Variants in KCNQ1 observed in about 807,000 individuals in gnomAD.
The protein encoded by KCNQ1 is potassium voltage-gated channel subfamily KQT member 1.
KCNQ1 carries 49 observed loss-of-function variants against 72.4 expected under a neutral mutation model. The observed-to-expected ratio is 0.68, with a 90% confidence interval of 0.54 to 0.86. The LOEUF (loss-of-function observed/expected upper bound fraction) is 0.86. KCNQ1 is among the 40% of genes least tolerant of loss of function. KCNQ1 has a pLI of 0.00. For synonymous variants in KCNQ1, 450 were observed against 412.6 expected, an observed-to-expected ratio of 1.09 and a Z score of -1.10; for missense variants, 790 against 945.1, an observed-to-expected ratio of 0.84 and a Z score of 2.15.
rs1846832882 is a variant in KCNQ1 at position 2,782,064 on chromosome 11, C to T, written c.1794+4027C>T. Among the ~76,000 whole-genome samples, 1 of 152,186 alleles carries T rather than the reference C, an allele frequency of 6.6e-6. No homozygotes were observed. Among genetic ancestry groups the T allele is most frequent in the Non-Finnish European group, 1.5e-5 (1 of 68,044 alleles). ...GGGTGTTTGCCCCCAGACACTGCTA[C>T]CCTTTCCCTCATTCCAGTGTGACTC... On this transcript the variant is annotated intron_variant, in intron 15 of 15. Transcript: ENST00000155840. This position sits in a 1 kb window ranked among gnomAD's most constrained non-coding sequence, Gnocchi z 6.1.
rs1001911143 is a variant in KCNQ1, at chr11:2,768,453, C to G, written c.1515-391C>G. 6.6e-6 allele frequency among the ~76,000 whole-genome samples: 1 copy of G among 152,138 alleles called. No individual in the cohort carries two copies. Among genetic ancestry groups the G allele is most frequent in the Non-Finnish European group, 1.5e-5 (1 of 68,032 alleles). On this transcript the variant is annotated intron_variant, in intron 11 of 15. Coordinates refer to ENST00000155840, the MANE Select transcript of KCNQ1 (RefSeq NM_000218.3). This position sits in a 1 kb window ranked among gnomAD's most constrained non-coding sequence, Gnocchi z 6.7. ...TGAAAGGGGCTGTGGGCATCGCCAG[C>G]ATGTACCCTCTTATCCCATTTGCTG...
chr11:2,543,060 C>T lies in KCNQ1; in HGVS notation c.477+15042C>T, dbSNP rs1055847737. Among the ~76,000 whole-genome samples, 1 of 152,064 alleles carries T rather than the reference C, an allele frequency of 6.6e-6. No individual in the cohort carries two copies. The highest frequency in any genetic ancestry group is 1.5e-5 in the Non-Finnish European group (1 of 68,040). ...CCTGCTGTGGTTTTAACTTTCATTT[C>T]CTAAGGACCAGTGATGTTGAATATC... On this transcript the variant is annotated intron_variant, in intron 2 of 15. Coordinates refer to ENST00000155840, the MANE Select transcript of KCNQ1 (RefSeq NM_000218.3). This position sits in a 1 kb window ranked among gnomAD's most constrained non-coding sequence, Gnocchi z 5.6.
rs966486821 is a variant in KCNQ1 at position 2,491,815 on chromosome 11, C to G, written c.387-36113C>G. ...AAAGGTCAAGGATAAAGAAAGGATCCTAAAAGCAGCAAGAAAAAAAAGACT... is the reference window on the plus strand; with the variant it reads ...AAAGGTCAAGGATAAAGAAAGGATCGTAAAAGCAGCAAGAAAAAAAAGACT... On this transcript the variant is annotated intron_variant, in intron 1 of 15. Coordinates refer to ENST00000155840, the MANE Select transcript of KCNQ1 (RefSeq NM_000218.3). The surrounding 1 kb of genome is among the most constrained non-coding windows in gnomAD (Gnocchi z 4.1). 9.9e-5 allele frequency among the ~76,000 whole-genome samples: 15 copies of G among 151,752 alleles called. No individual in the cohort carries two copies. Among genetic ancestry groups the G allele is most frequent in the Non-Finnish European group, 1.9e-4 (13 of 67,974 alleles).
chr11:2,606,504 T>G (rs1848882447), intron 10 of KCNQ1, among the ~76,000 whole-genome samples: 2 of 152,352 alleles, frequency 1.3e-5, no homozygotes, highest in South Asian at 4.1e-4. Context: ...CCCTCCACCT[T>G]GCTCCTGCTC....
Position 2,455,309 on chromosome 11 carries a change from A to G in KCNQ1, c.386+9825A>G, listed in dbSNP as rs372067167. On this transcript the variant is annotated intron_variant, in intron 1 of 15. Coordinates refer to ENST00000155840, the MANE Select transcript of KCNQ1 (RefSeq NM_000218.3). ...GAGACGGGGTTTCACCGTGTTAGCCAGGATGGTCTTGATCTCCTGACCTTG... is the reference window on the plus strand; with the variant it reads ...GAGACGGGGTTTCACCGTGTTAGCCGGGATGGTCTTGATCTCCTGACCTTG... 7.4e-4 allele frequency among the ~76,000 whole-genome samples: 112 copies of G among 151,688 alleles called. 1 individual carries two copies. In the East Asian group the frequency reaches 7.9e-3, roughly 11 times the overall value.
intron 1 of KCNQ1, among the ~76,000 whole-genome samples, chr11:2,454,619 T>C (rs567337132): frequency 3.5e-4 from 53 of 152,314 alleles, no homozygotes; most frequent in African/African-American, 1.3e-3. Context: ...TCACCAAGAA[T>C]GGAGGTTTTA....
chr11:2,605,237 G>C (rs1485885253), intron 10 of KCNQ1, among the ~76,000 whole-genome samples: 2 of 152,106 alleles, frequency 1.3e-5, no homozygotes, highest in South Asian at 2.1e-4. Flanking sequence ...CCATCTGTAG[G>C]TTGTCTTTTC....
Position 2,616,851 on chromosome 11 carries a change from T to TGC in KCNQ1, c.1393+27998_1393+27999insCG. 4 of 397,934 alleles carry TGC rather than the reference T, an allele frequency of 1.0e-5. No homozygotes were observed. In the Admixed American group the frequency reaches 1.8e-4, roughly 18 times the overall value. The allele number at this position is 397,934 out of a possible 1,614,324, so 24.7% of individuals were successfully genotyped here. A position where few individuals can be genotyped will look rare whatever the true frequency, so the allele number is the denominator to read the frequency against. On this transcript the variant is annotated intron_variant, in intron 10 of 15. Coordinates refer to ENST00000155840, the MANE Select transcript of KCNQ1 (RefSeq NM_000218.3). ...GTTCCATGTGCACTTGAGAAGAATG[T>TGC]GTAGTTGGGTGGAGTGTCCATATAT...
chr11:2,546,593 T>C (rs182438299), intron 2 of KCNQ1, among the ~76,000 whole-genome samples: 367 of 152,358 alleles, frequency 2.4e-3, no homozygotes, highest in Non-Finnish European at 4.1e-3. Flanking sequence ...CTCTTTATTC[T>C]TCAGTTCTTT....
chr11:2,528,516 G>C (rs571554965), intron 2 of KCNQ1, among the ~76,000 whole-genome samples: 5 of 152,344 alleles, frequency 3.3e-5, no homozygotes, highest in Non-Finnish European at 7.3e-5. Context: ...GCTGAGAGCA[G>C]GGCAGGGCAG....
At chr11:2,765,395 CT>C (rs113148706) in intron 11 of KCNQ1, among the ~76,000 whole-genome samples, 1 of 152,184 alleles carries the variant, frequency 6.6e-6, no homozygotes. Context: ...TTTGTTGGAA[CT>C]TGCTTCTGAA....
At position 2,463,994 on chromosome 11, in the gene KCNQ1, G is replaced by A. The variant is rs1846316228; in HGVS notation, c.386+18510G>A. ...GTCTGGTTTGATAACCGTGGACCGG[G>A]GTGACAGGCCCTGACTCTGCAGAGC... is the stretch of plus-strand genomic sequence containing the variant. On this transcript the variant is annotated intron_variant, in intron 1 of 15. Transcript: ENST00000155840. The surrounding 1 kb of genome is among the most constrained non-coding windows in gnomAD (Gnocchi z 7.0). Among the ~76,000 whole-genome samples the A allele has an allele frequency of 6.6e-6, 1 of 152,240 alleles. No homozygotes were observed. Among genetic ancestry groups the A allele is most frequent in the Non-Finnish European group, 1.5e-5 (1 of 68,048 alleles).
chr11:2,716,945 A>G lies in KCNQ1; in HGVS notation c.1515-51899A>G, dbSNP rs376812131. Among the ~76,000 whole-genome samples, 104 of 152,264 alleles carry G rather than the reference A, an allele frequency of 6.8e-4. 4 individuals carry two copies. The South Asian group carries it at 0.019, about 28-fold the overall frequency. On this transcript the variant is annotated intron_variant, in intron 11 of 15. Transcript: ENST00000155840. ...AGTAGGAGCTCTGTGCATATCCCCTATGTGAGTACAGGAACCTCAGTGGTG... is the reference window on the plus strand; with the variant it reads ...AGTAGGAGCTCTGTGCATATCCCCTGTGTGAGTACAGGAACCTCAGTGGTG...
chr11:2,629,185 T>C (rs921541538), intron 10 of KCNQ1: 1 of 398,238 alleles, frequency 2.5e-6, no homozygotes, highest in Non-Finnish European at 4.4e-6. Context: ...CTTTGAGTAG[T>C]ATAGCTATTT....
Position 2,691,057 on chromosome 11 carries a change from A to C in KCNQ1, c.1514+28976A>C, listed in dbSNP as rs1850579829. On this transcript the variant is annotated intron_variant, in intron 11 of 15. Coordinates refer to ENST00000155840, the MANE Select transcript of KCNQ1 (RefSeq NM_000218.3). This position sits in a 1 kb window ranked among gnomAD's most constrained non-coding sequence, Gnocchi z 6.4. ...TATCAGGATATGCTGGGTGAGGGAA[A>C]TAATGGAGGCACCTTTGTTCTAGAT... is the stretch of plus-strand genomic sequence containing the variant. 2.5e-6 allele frequency: 1 copy of C among 398,528 alleles called. No homozygotes were observed. Among genetic ancestry groups the C allele is most frequent in the Non-Finnish European group, 4.4e-6 (1 of 226,088 alleles). 24.7% of individuals were successfully genotyped at this position (398,528 alleles called of 1,614,324 possible).
chr11:2,665,683 C>G (rs181308953), intron 11 of KCNQ1: 2 of 398,136 alleles, frequency 5.0e-6, no homozygotes, highest in Admixed American at 8.8e-5. Flanking sequence ...TCGAATGGTG[C>G]CAGGAGGGAG....
chr11:2,823,793 G>A (rs1389803661), intron 15 of KCNQ1, among the ~76,000 whole-genome samples: 2 of 152,096 alleles, frequency 1.3e-5, no homozygotes, highest in Non-Finnish European at 2.9e-5. Context: ...GGCTCTGTGG[G>A]GGACCCAGGC....
intron 2 of KCNQ1, among the ~76,000 whole-genome samples, chr11:2,554,391 C>T (rs1471136240): frequency 3.3e-5 from 5 of 152,210 alleles, no homozygotes; most frequent in Non-Finnish European, 5.9e-5. Context: ...AAGTATTTGT[C>T]CCCAAGGAGC....
Position 2,759,552 on chromosome 11 carries a change from G to A in KCNQ1, c.1515-9292G>A, listed in dbSNP as rs1480724348. Among the ~76,000 whole-genome samples, 4 of 152,246 alleles carry A rather than the reference G, an allele frequency of 2.6e-5. No individual in the cohort carries two copies. Among genetic ancestry groups the A allele is most frequent in the Non-Finnish European group, 5.9e-5 (4 of 68,032 alleles). The stretch of plus-strand genomic sequence containing the variant: ...AGGTGTGGGACCTCACTGCGCGGGA[G>A]GGAGTTGCAAAGAGCGACACCCCAG... On this transcript the variant is annotated intron_variant, in intron 11 of 15. Coordinates refer to ENST00000155840, the MANE Select transcript of KCNQ1 (RefSeq NM_000218.3). This position sits in a 1 kb window ranked among gnomAD's most constrained non-coding sequence, Gnocchi z 4.4.
Sources: allele counts gnomAD v4.1 joint callset (sites outside exome capture counted in the v4.1 genomes callset), GRCh38; gene constraint gnomAD v4.1.1; non-coding constraint Gnocchi (gnomAD v3.1); transcripts MANE v1.5; gene names NCBI Gene and HGNC (gene_info 2026-07-23, HGNC 2026-07-21).